C19orf12: variants seen among roughly 807,000 people sequenced by gnomAD.
C19orf12 encodes the protein chromosome 19 open reading frame 12.
C19orf12 carries 2 observed loss-of-function variants against 3.8 expected under a neutral mutation model. The observed-to-expected ratio is 0.53, with a 90% confidence interval of 0.22 to 1.66. The LOEUF (loss-of-function observed/expected upper bound fraction) is 1.66, where lower values mean the gene tolerates loss of function less well. C19orf12 is among the 40% of genes most tolerant of loss of function. C19orf12 has a pLI of 0.20. For synonymous variants in C19orf12, 89 were observed against 84.6 expected, an observed-to-expected ratio of 1.05 and a Z score of -0.28; for missense variants, 156 against 188.8, an observed-to-expected ratio of 0.83 and a Z score of 1.02.
chr19:29,707,211 G>GC (rs768114781), intron 2 of C19orf12, among the ~76,000 whole-genome samples: 18 of 152,306 alleles, frequency 1.2e-4, no homozygotes, highest in Admixed American at 2.6e-4. Flanking sequence ...ACAAAAATTA[G>GC]CCGGGTGTGG....
rs1458776838 is a variant in C19orf12 at position 29,702,801 on chromosome 19, C to T, written c.337G>A (p.Gly113Ser). Residue 113 changes from glycine (G) to serine (S), a missense_variant, in exon 3 of 3, where the codon GGC becomes AGC. Coordinates refer to ENST00000323670, the MANE Select transcript of C19orf12 (RefSeq NM_031448.6). ...DAVQLTALVMGSEALQQQLLA... is the reference protein window; with the variant it reads ...DAVQLTALVMSSEALQQQLLA... Reference sequence around the variant, plus strand: ...AGCTGCTGCTGCAGGGCCTCGCTGCCCATGACCAGCGCGGTCAGCTGCACG... The same window carrying T: ...AGCTGCTGCTGCAGGGCCTCGCTGCTCATGACCAGCGCGGTCAGCTGCACG... The T allele has an allele frequency of 6.2e-7, 1 of 1,613,880 alleles. No homozygotes were observed. The highest frequency in any genetic ancestry group is 1.7e-5 in the Admixed American group (1 of 60,016).
At chr19:29,710,563 C>T (rs1407846414) in intron 1 of C19orf12, among the ~76,000 whole-genome samples, 1 of 152,202 alleles carries the variant, frequency 6.6e-6, no homozygotes, top group Non-Finnish European at 1.5e-5. Context: ...ATTCGTTACT[C>T]AGTCTTCAAA....
Position 29,702,994 on chromosome 19 carries a change from C to T in C19orf12, c.161-17G>A, listed in dbSNP as rs749345042. 1.2e-6 allele frequency: 2 copies of T among 1,613,910 alleles called. No homozygotes were observed. Among genetic ancestry groups the T allele is most frequent in the East Asian group, 2.2e-5 (1 of 44,862 alleles). On this transcript the variant is annotated splice_polypyrimidine_tract_variant and intron_variant, in intron 2 of 2. Coordinates refer to ENST00000323670, the MANE Select transcript of C19orf12 (RefSeq NM_031448.6). ...CAGCCCCCCCTAGAAAACATGGAAT[C>T]GTTCAATTAGTGGGTCTTATTCATA...
chr19:29,715,069 C>T, intron 1 of C19orf12, 56 bp downstream of exon 1: 1 of 630,996 alleles, frequency 1.6e-6, no homozygotes, highest in Non-Finnish European at 2.9e-6. Context: ...GTGCCCCCTC[C>T]TCTCGCGGGG....
At chr19:29,713,710 G>A (rs190072813) in intron 1 of C19orf12, among the ~76,000 whole-genome samples, 4 of 152,220 alleles carry the variant, frequency 2.6e-5, no homozygotes, top group Admixed American at 2.6e-4. Context: ...AGGAGATTTT[G>A]CATGCACCTC....
At chr19:29,706,737 C>T (rs1271037147) in intron 2 of C19orf12, among the ~76,000 whole-genome samples, 1 of 152,204 alleles carries the variant, frequency 6.6e-6, no homozygotes, top group African/African-American at 2.4e-5. Flanking sequence ...TCTGGGGCCA[C>T]CCACACATTT....
intron 1 of C19orf12, among the ~76,000 whole-genome samples, chr19:29,709,370 G>A (rs919893897): frequency 1.2e-4 from 19 of 152,204 alleles, no homozygotes; most frequent in African/African-American, 3.6e-4. Flanking sequence ...AAGGGGCCAC[G>A]AGGTGGGGGG....
In C19orf12 at chr19:29,699,686, C is replaced by G. The variant is rs377009197; in HGVS notation, c.*3026G>C. On this transcript the variant is annotated 3_prime_UTR_variant, in exon 3 of 3. Transcript: ENST00000323670. ...GAAATGAACAGTTTTCAGAGACTTA[C>G]TTTAAAACAGAGTTAAAGGAATACA... The G allele has an allele frequency of 2.4e-5, 11 of 453,916 alleles. No homozygotes were observed. In the East Asian group the frequency reaches 6.2e-4, roughly 26 times the overall value. The allele number at this position is 453,916 out of a possible 1,614,324, so 28.1% of individuals were successfully genotyped here.
In C19orf12 at chr19:29,711,128, C is replaced by T. The variant is rs113074072; in HGVS notation, c.-10-2705G>A. Among the ~76,000 whole-genome samples the T allele has an allele frequency of 3.3e-3, 505 of 151,420 alleles. 5 individuals are homozygous for T. Among genetic ancestry groups the T allele is most frequent in the African/African-American group, 0.011 (459 of 41,164 alleles). On this transcript the variant is annotated intron_variant, in intron 1 of 2. Coordinates refer to ENST00000323670, the MANE Select transcript of C19orf12 (RefSeq NM_031448.6). ...GATCTCGGCTCACTGCAGCCTCCGC[C>T]TCCCACGTTCAAGCGATTCTCCTGC... is the stretch of plus-strand genomic sequence containing the variant.
At position 29,702,204 on chromosome 19, in the gene C19orf12, C is replaced by T. The variant is rs1056234278; in HGVS notation, c.*508G>A. The T allele has an allele frequency of 1.5e-5, 7 of 454,156 alleles. No homozygotes were observed. The highest frequency in any genetic ancestry group is 7.0e-5 in the Admixed American group (3 of 42,570). The allele number at this position is 454,156 out of a possible 1,614,324, so 28.1% of individuals were successfully genotyped here. On this transcript the variant is annotated 3_prime_UTR_variant, in exon 3 of 3. Coordinates refer to ENST00000323670, the MANE Select transcript of C19orf12 (RefSeq NM_031448.6). ...CATTCGACAGTCCCTGGGTAGGGGACGGTTGCACTAGGAGGTAAACATGAT... is the reference window on the plus strand; with the variant it reads ...CATTCGACAGTCCCTGGGTAGGGGATGGTTGCACTAGGAGGTAAACATGAT...
Position 29,702,451 on chromosome 19 carries a change from C to G in C19orf12, c.*261G>C, listed in dbSNP as rs550360390. ...CCTCCGAAGCCTGCGGCAGGCAGGC[C>G]TTTACTCTTCACTGGGGGGCCAGTC... is the stretch of plus-strand genomic sequence containing the variant. On this transcript the variant is annotated 3_prime_UTR_variant, in exon 3 of 3. Transcript: ENST00000323670. 22 of 673,986 alleles carry G rather than the reference C, an allele frequency of 3.3e-5. No individual in the cohort carries two copies. In the East Asian group the frequency reaches 4.9e-4, roughly 15 times the overall value. 41.8% of individuals were successfully genotyped at this position (673,986 alleles called of 1,614,324 possible). A position where few individuals can be genotyped will look rare whatever the true frequency, so the allele number is the denominator to read the frequency against.
At chr19:29,712,890 A>G (rs1272477169) in intron 1 of C19orf12, among the ~76,000 whole-genome samples, 2 of 152,228 alleles carry the variant, frequency 1.3e-5, no homozygotes, top group Non-Finnish European at 2.9e-5. Context: ...GTTCTGCAGA[A>G]TGGGAGGGCC....
At position 29,702,404 on chromosome 19, in the gene C19orf12, G is replaced by A. The variant is rs886054320; in HGVS notation, c.*308C>T. ...CGTGATCACTTCCCCAGACCCATGC[G>A]GGTGAGAGGACTCAGCAGACGCCTC... On this transcript the variant is annotated 3_prime_UTR_variant, in exon 3 of 3. Coordinates refer to ENST00000323670, the MANE Select transcript of C19orf12 (RefSeq NM_031448.6). 16 of 578,084 alleles carry A rather than the reference G, an allele frequency of 2.8e-5. 1 individual carries two copies. Among genetic ancestry groups the A allele is most frequent in the South Asian group, 1.7e-4 (11 of 65,576 alleles). The allele number at this position is 578,084 out of a possible 1,614,324, so 35.8% of individuals were successfully genotyped here.
Position 29,700,292 on chromosome 19 carries a change from A to T in C19orf12, c.*2420T>A, listed in dbSNP as rs1227876753. 3 of 454,144 alleles carry T rather than the reference A, an allele frequency of 6.6e-6. No individual in the cohort carries two copies. Among genetic ancestry groups the T allele is most frequent in the Non-Finnish European group, 8.8e-6 (2 of 226,790 alleles). The allele number at this position is 454,144 out of a possible 1,614,324, so 28.1% of individuals were successfully genotyped here. A position where few individuals can be genotyped will look rare whatever the true frequency, so the allele number is the denominator to read the frequency against. On this transcript the variant is annotated 3_prime_UTR_variant, in exon 3 of 3. Transcript: ENST00000323670. Reference sequence around the variant, plus strand: ...TGTTCCAGAAGGATTTGCTGTAAGCAACCGGAGAAGTTGGCATTTGTTCAA... The same window carrying T: ...TGTTCCAGAAGGATTTGCTGTAAGCTACCGGAGAAGTTGGCATTTGTTCAA...
intron 1 of C19orf12, among the ~76,000 whole-genome samples, chr19:29,713,846 C>G (rs866557675): frequency 1.3e-5 from 2 of 152,110 alleles, no homozygotes; most frequent in Non-Finnish European, 2.9e-5. Context: ...CAGGGCCCTG[C>G]CCTCCCTACC....
chr19:29,699,237 G>T lies in C19orf12; in HGVS notation c.*3475C>A, dbSNP rs910192890. 2.0e-5 allele frequency: 9 copies of T among 453,086 alleles called. No homozygotes were observed. The highest frequency in any genetic ancestry group is 4.0e-5 in the Non-Finnish European group (9 of 226,314). 28.1% of individuals were successfully genotyped at this position (453,086 alleles called of 1,614,324 possible). A position where few individuals can be genotyped will look rare whatever the true frequency, so the allele number is the denominator to read the frequency against. ...AATCCCAGCACTTTGGGAGGCTGAG[G>T]TGGGCAGATCACGAGGTAAGGAGAT... On this transcript the variant is annotated 3_prime_UTR_variant, in exon 3 of 3. Coordinates refer to ENST00000323670, the MANE Select transcript of C19orf12 (RefSeq NM_031448.6).
intron 2 of C19orf12, 90 bp from the exon 3 acceptor site, chr19:29,703,067 A>C: frequency 6.5e-6 from 10 of 1,543,150 alleles, no homozygotes; most frequent in East Asian, 2.3e-5. Context: ...CACCATCACC[A>C]TGAGCAGGCA....
chr19:29,715,637 C>T (rs1972919832), upstream of C19orf12: 5 of 203,858 alleles, frequency 2.5e-5, no homozygotes, highest in South Asian at 2.4e-4. Flanking sequence ...TCCCCGCAGC[C>T]TGGGCACAGA....
In C19orf12 at chr19:29,708,384, CT is replaced by C; in HGVS notation, c.29del (p.Lys10SerfsTer12). 6.2e-7 allele frequency: 1 copy of C among 1,614,124 alleles called. No individual in the cohort carries two copies. On this transcript the variant is annotated frameshift_variant, in exon 2 of 3. Coordinates refer to ENST00000323670, the MANE Select transcript of C19orf12 (RefSeq NM_031448.6). LOFTEE classifies it high-confidence loss of function. ...TCTCCCCAGAAAGGGAGCACAGCAG[CT>C]TCATGATGTCCTCCACCATGATAGT... Reference protein sequence around the residue: MTIMVEDIMKLLCSLSGERK... With the variant: MTIMVEDIMXLLCSLSGERK...
Sources: allele counts gnomAD v4.1 joint callset (sites outside exome capture counted in the v4.1 genomes callset), GRCh38; gene constraint gnomAD v4.1.1; transcripts MANE v1.5; gene names NCBI Gene and HGNC (gene_info 2026-07-23, HGNC 2026-07-21).